PDE11A: variants seen among roughly 807,000 people sequenced by gnomAD.
The protein encoded by PDE11A is phosphodiesterase 11A, also known as dual 3',5'-cyclic-AMP and -GMP phosphodiesterase 11A.
In PDE11A, 100 loss-of-function variants were observed where a neutral mutation model predicts 100.5. The ratio of observed to expected loss-of-function variants is 1.00; its 90% CI spans 0.85 to 1.18. PDE11A has a LOEUF of 1.18. Among genes scored for constraint, PDE11A ranks in the 50% most tolerant of loss-of-function variants. The probability of loss-of-function intolerance (pLI) is 0.00; values close to 1 mark genes in which losing one functional copy is unlikely to be tolerated. For missense variants in PDE11A, 1,141 were observed against 1,152.6 expected (o/e 0.99, Z 0.15); for synonymous variants, 381 against 420.8 (o/e 0.91, Z 1.16).
At chr2:177,672,473 AAGAG>A (rs2080697978) in intron 17 of PDE11A, among the ~76,000 whole-genome samples, 1 of 152,188 alleles carries the variant, frequency 6.6e-6, no homozygotes, top group Non-Finnish European at 1.5e-5. Context: ...GTTAGAAAAG[AAGAG>A]AAAGACAGAA....
At chr2:177,785,844 A>G (rs1049931116) in intron 9 of PDE11A, among the ~76,000 whole-genome samples, 3 of 152,284 alleles carry the variant, frequency 2.0e-5, no homozygotes, top group South Asian at 2.1e-4. Flanking sequence ...AGGGGCGCCC[A>G]CCATTGCCCA....
At chr2:177,680,440 A>T (rs1415902209) in intron 16 of PDE11A, among the ~76,000 whole-genome samples, 1 of 152,106 alleles carries the variant, frequency 6.6e-6, no homozygotes, top group Non-Finnish European at 1.5e-5. Context: ...CGCAATGCCT[A>T]TTGTCTCTAA....
At chr2:177,883,958 C>G (rs2084387249) in intron 4 of PDE11A, among the ~76,000 whole-genome samples, 1 of 152,230 alleles carries the variant, frequency 6.6e-6, no homozygotes, top group Non-Finnish European at 1.5e-5. Context: ...CACCCAATGT[C>G]TTTCACTCCT....
intron 1 of PDE11A, among the ~76,000 whole-genome samples, chr2:178,023,879 A>T (rs1289440739): frequency 6.6e-6 from 1 of 152,178 alleles, no homozygotes; most frequent in African/African-American, 2.4e-5. Context: ...GTGAAATAAG[A>T]TATGCATGTA....
intron 2 of PDE11A, among the ~76,000 whole-genome samples, chr2:177,930,093 AT>A (rs2085185794): frequency 6.7e-6 from 1 of 149,796 alleles, no homozygotes; most frequent in South Asian, 2.1e-4. Flanking sequence ...TTTAAAGCTT[AT>A]TCTTAATTCA....
chr2:178,015,255 T>C (rs1268048474), intron 1 of PDE11A, among the ~76,000 whole-genome samples: 1 of 152,148 alleles, frequency 6.6e-6, no homozygotes, highest in Non-Finnish European at 1.5e-5. Flanking sequence ...TGCCTCCTGA[T>C]ATAATGCAAT....
At chr2:177,765,824 C>T (rs1305802765) in intron 10 of PDE11A, among the ~76,000 whole-genome samples, 5 of 152,214 alleles carry the variant, frequency 3.3e-5, no homozygotes, top group African/African-American at 1.2e-4. Context: ...GAGTTCTTGA[C>T]TCAGAAGGCC....
chr2:177,851,409 T>C (rs1378389943), intron 5 of PDE11A, among the ~76,000 whole-genome samples: 1 of 151,930 alleles, frequency 6.6e-6, no homozygotes, highest in East Asian at 1.9e-4. Context: ...CGGGGAGGGA[T>C]AGCATTAGGA....
intron 19 of PDE11A, among the ~76,000 whole-genome samples, chr2:177,647,369 C>G (rs577482455): frequency 1.3e-5 from 2 of 152,198 alleles, no homozygotes; most frequent in East Asian, 3.9e-4. Flanking sequence ...TTTACAAATA[C>G]AGAATTGCCA....
At chr2:177,815,711 T>C (rs1177068430) in intron 9 of PDE11A, among the ~76,000 whole-genome samples, 1 of 152,242 alleles carries the variant, frequency 6.6e-6, no homozygotes, top group African/African-American at 2.4e-5. Flanking sequence ...TAGATAACTA[T>C]AATTTTACAT....
chr2:177,721,658 A>T (rs1019668438), intron 12 of PDE11A, among the ~76,000 whole-genome samples: 6 of 152,120 alleles, frequency 3.9e-5, no homozygotes, highest in Non-Finnish European at 8.8e-5. Context: ...TGTTTTGTCC[A>T]TGTTTAGAAA....
chr2:177,853,779 TATGTGTATAG>T (rs2083775154), intron 5 of PDE11A, among the ~76,000 whole-genome samples: 4 of 140,878 alleles, frequency 2.8e-5, no homozygotes, highest in Admixed American at 7.5e-5. Context: ...TATATCTATA[TATGTGTATAG>T]ATATATATGT....
chr2:178,055,349 G>A (rs2086885810), intron 1 of PDE11A, among the ~76,000 whole-genome samples: 1 of 151,542 alleles, frequency 6.6e-6, no homozygotes, highest in South Asian at 2.1e-4. Context: ...GCCTGTCATG[G>A]GGTGGGGGGG....
intron 2 of PDE11A, among the ~76,000 whole-genome samples, chr2:177,956,811 C>T (rs1195934453): frequency 6.6e-6 from 1 of 151,186 alleles, no homozygotes; most frequent in Non-Finnish European, 1.5e-5. Context: ...ATCGCAAGGA[C>T]AAAAAACCAA....
chr2:177,895,154 G>A (rs1250859991), intron 4 of PDE11A, among the ~76,000 whole-genome samples: 2 of 151,846 alleles, frequency 1.3e-5, no homozygotes, highest in Admixed American at 1.3e-4. Flanking sequence ...CATATTTCAA[G>A]AGATGCTTTT....
intron 13 of PDE11A, among the ~76,000 whole-genome samples, chr2:177,708,456 A>G (rs12465589): frequency 0.93 from 141,743 of 152,248 alleles, 66,384 homozygotes; most frequent in East Asian, 1. Context: ...CACAAAGAAG[A>G]AAACAATAGA....
chr2:177,656,469 C>T (rs2080386093), intron 19 of PDE11A, among the ~76,000 whole-genome samples: 1 of 151,024 alleles, frequency 6.6e-6, no homozygotes, highest in Non-Finnish European at 1.5e-5. Context: ...AGAATGTATC[C>T]CTGTTGTTAA....
At chr2:177,908,766 C>T (rs1458486481) in intron 2 of PDE11A, among the ~76,000 whole-genome samples, 1 of 152,162 alleles carries the variant, frequency 6.6e-6, no homozygotes, top group Non-Finnish European at 1.5e-5. Flanking sequence ...ACTGCAGTGT[C>T]CCCGGAAGCC....
At chr2:177,804,290 G>T (rs1441407626) in intron 9 of PDE11A, among the ~76,000 whole-genome samples, 1 of 150,794 alleles carries the variant, frequency 6.6e-6, no homozygotes, top group Non-Finnish European at 1.5e-5. Context: ...AAAAAGTGGG[G>T]AAAGGACATG....
Sources: gnomAD v4.1 joint callset for allele counts (sites outside exome capture counted in the v4.1 genomes callset) on GRCh38, gnomAD v4.1.1 for gene constraint, MANE v1.5 for transcripts, NCBI Gene and HGNC (gene_info 2026-07-23, HGNC 2026-07-21) for gene names.